The following CPQ variants were observed in gnomAD, a reference collection of about 807,000 sequenced individuals.
CPQ encodes carboxypeptidase Q.
Under a neutral mutation model 45.7 loss-of-function variants are expected in CPQ, and 37 were observed. That is an observed-to-expected ratio of 0.81 (90% confidence interval 0.62 to 1.07). The LOEUF is 1.07. Among genes scored for constraint, CPQ ranks in the 50% least tolerant of loss-of-function variants. The pLI is 0.00. For synonymous variants in CPQ, 186 were observed against 205.8 expected (o/e 0.90, Z 0.82); for missense variants, 537 against 572.9 (o/e 0.94, Z 0.64).
Position 96,687,189 on chromosome 8 carries a change from T to C in CPQ, c.-35+41787T>C, listed in dbSNP as rs1289225309. 3.3e-5 allele frequency among the ~76,000 whole-genome samples: 5 copies of C among 151,722 alleles called. No individual in the cohort carries two copies. The East Asian group carries it at 9.7e-4, about 29-fold the overall frequency. Reference sequence around the variant, plus strand: ...CTTTTCTTTTCTTTCTCTTCTCTTCTCTTCTCTTCTTTTCTTTTTTTCTTT... The same window carrying C: ...CTTTTCTTTTCTTTCTCTTCTCTTCCCTTCTCTTCTTTTCTTTTTTTCTTT... On this transcript the variant is annotated intron_variant, in intron 1 of 7. Transcript: ENST00000220763.
intron 7 of CPQ, among the ~76,000 whole-genome samples, chr8:97,127,525 C>T (rs979781342): frequency 2.0e-5 from 3 of 151,840 alleles, no homozygotes; most frequent in African/African-American, 7.3e-5. Flanking sequence ...CCCATCTCTA[C>T]AAAAAATACA....
chr8:96,672,175 C>T (rs189858565), intron 1 of CPQ, among the ~76,000 whole-genome samples: 3 of 152,262 alleles, frequency 2.0e-5, no homozygotes, highest in Admixed American at 1.3e-4. Flanking sequence ...TTCTAGAGAT[C>T]ATAAGGTAGG....
intron 5 of CPQ, among the ~76,000 whole-genome samples, chr8:97,018,946 T>C (rs959031187): frequency 6.6e-6 from 1 of 152,132 alleles, no homozygotes; most frequent in African/African-American, 2.4e-5. Context: ...TATCTAAAGT[T>C]AAGATGAAGG....
intron 5 of CPQ, 156 bp downstream of exon 5, chr8:96,966,202 A>G: frequency 3.7e-6 from 2 of 533,890 alleles, no homozygotes; most frequent in Non-Finnish European, 6.5e-6. Flanking sequence ...ATGCTCTTAA[A>G]GAAATTTTTA....
intron 5 of CPQ, among the ~76,000 whole-genome samples, chr8:97,003,640 G>T (rs1211847162): frequency 6.6e-6 from 1 of 152,098 alleles, no homozygotes; most frequent in African/African-American, 2.4e-5. Flanking sequence ...TGCATGCTTT[G>T]CCAAGTGAAT....
intron 1 of CPQ, among the ~76,000 whole-genome samples, chr8:96,711,149 C>T (rs1809603296): frequency 6.6e-6 from 1 of 152,038 alleles, no homozygotes; most frequent in Non-Finnish European, 1.5e-5. Flanking sequence ...GCTACTCCTG[C>T]TTGCATTTAG....
At chr8:96,986,273 C>A (rs879310382) in intron 5 of CPQ, among the ~76,000 whole-genome samples, 1 of 152,190 alleles carries the variant, frequency 6.6e-6, no homozygotes, top group Non-Finnish European at 1.5e-5. Context: ...CCACCCTTGA[C>A]AAATGACCCT....
intron 1 of CPQ, among the ~76,000 whole-genome samples, chr8:96,769,031 A>G (rs1810506112): frequency 6.6e-6 from 1 of 152,168 alleles, no homozygotes; most frequent in South Asian, 2.1e-4. Context: ...TATATCTCCA[A>G]CTTTATAGTT....
chr8:96,877,078 A>T (rs1238462279), intron 3 of CPQ, among the ~76,000 whole-genome samples: 2 of 152,182 alleles, frequency 1.3e-5, no homozygotes, highest in African/African-American at 4.8e-5. Flanking sequence ...TATAAATTGC[A>T]GAAGGGGCTT....
chr8:96,708,817 A>T (rs969091585), intron 1 of CPQ, among the ~76,000 whole-genome samples: 5 of 152,138 alleles, frequency 3.3e-5, no homozygotes, highest in African/African-American at 1.2e-4. Flanking sequence ...ACGTATCTCA[A>T]TAAATGGAAT....
chr8:97,107,295 T>C (rs900228512), intron 7 of CPQ, among the ~76,000 whole-genome samples: 1 of 152,232 alleles, frequency 6.6e-6, no homozygotes, highest in Non-Finnish European at 1.5e-5. Flanking sequence ...CAATTTAGAA[T>C]TATTGGACTT....
chr8:97,003,833 T>C (rs1039040460), intron 5 of CPQ, among the ~76,000 whole-genome samples: 17 of 152,290 alleles, frequency 1.1e-4, no homozygotes, highest in African/African-American at 3.8e-4. Flanking sequence ...TTGAACCTCA[T>C]CATTCTGCTA....
intron 6 of CPQ, among the ~76,000 whole-genome samples, chr8:97,039,179 T>C (rs1563562004): frequency 6.6e-6 from 1 of 152,190 alleles, no homozygotes; most frequent in Non-Finnish European, 1.5e-5. Context: ...AATTACCTTG[T>C]TGGAGGAAGA....
At chr8:96,747,225 AG>A (rs1810198647) in intron 1 of CPQ, among the ~76,000 whole-genome samples, 1 of 146,034 alleles carries the variant, frequency 6.8e-6, no homozygotes, top group African/African-American at 2.5e-5. Context: ...CAGGAGGTGG[AG>A]GTTGCAGTGA....
At chr8:96,845,944 T>C (rs192020901) in intron 3 of CPQ, among the ~76,000 whole-genome samples, 56 of 152,268 alleles carry the variant, frequency 3.7e-4, no homozygotes, top group African/African-American at 1.2e-3. Flanking sequence ...TTTAGCCTCC[T>C]GAGTAGCTGG....
intron 1 of CPQ, among the ~76,000 whole-genome samples, chr8:96,740,913 T>C (rs1315207019): frequency 1.3e-5 from 2 of 152,196 alleles, no homozygotes; most frequent in Non-Finnish European, 2.9e-5. Flanking sequence ...AGGATATTGG[T>C]CTAAAATTCT....
chr8:97,116,779 G>A (rs1487625043), intron 7 of CPQ, among the ~76,000 whole-genome samples: 2 of 152,210 alleles, frequency 1.3e-5, no homozygotes, highest in Admixed American at 6.5e-5. Flanking sequence ...ATACAGAGGA[G>A]GTCTTCTCAG....
chr8:96,654,809 C>CT (rs1290919601), intron 1 of CPQ, among the ~76,000 whole-genome samples: 1 of 152,162 alleles, frequency 6.6e-6, no homozygotes, highest in Non-Finnish European at 1.5e-5. Flanking sequence ...AGGTTAGCAG[C>CT]TTTATAGATG....
At chr8:96,645,960 A>G (rs184745345) in intron 1 of CPQ, among the ~76,000 whole-genome samples, 125 of 151,050 alleles carry the variant, frequency 8.3e-4, no homozygotes, top group Non-Finnish European at 1.4e-3. Flanking sequence ...CTCAATAAGT[A>G]ATTGAATGAG....
Sources: gnomAD v4.1 joint callset for allele counts (sites outside exome capture counted in the v4.1 genomes callset) on GRCh38, gnomAD v4.1.1 for gene constraint, MANE v1.5 for transcripts, NCBI Gene and HGNC (gene_info 2026-07-23, HGNC 2026-07-21) for gene names.